PHLDB2: variants seen among roughly 807,000 people sequenced by gnomAD.
The protein encoded by PHLDB2 is pleckstrin homology-like domain family B member 2.
Under a neutral mutation model 123.6 loss-of-function variants are expected in PHLDB2, and 71 were observed. The observed-to-expected ratio is 0.57, with a 90% confidence interval of 0.47 to 0.70. The LOEUF (loss-of-function observed/expected upper bound fraction) is 0.70. Among genes scored for constraint, PHLDB2 ranks in the 30% least tolerant of loss-of-function variants. PHLDB2 has a pLI of 0.00. For missense variants in PHLDB2, 1,446 were observed against 1,519.5 expected (o/e 0.95, Z 0.80); for synonymous variants, 547 against 541.6 (o/e 1.01, Z -0.14).
chr3:111,913,449 C>T lies in PHLDB2; in HGVS notation c.1466C>T (p.Ser489Phe). 6.2e-7 allele frequency: 1 copy of T among 1,614,140 alleles called. No individual in the cohort carries two copies. The highest frequency in any genetic ancestry group is 8.5e-7 in the Non-Finnish European group (1 of 1,180,018). ...INKELEKLQL[S>F]DEESVFEEAL... ...AAGGAGCTTGAGAAGCTGCAGCTCTCTGATGAGGAGTCTGTGTTTGAGGAA... is the reference window on the plus strand; with the variant it reads ...AAGGAGCTTGAGAAGCTGCAGCTCTTTGATGAGGAGTCTGTGTTTGAGGAA... The change falls in exon 3 of 18, where the codon TCT becomes TTT. Residue 489 changes from serine (S) to phenylalanine (F), a missense_variant. Physicochemically the swap from Ser to Phe is radical, Grantham distance 155. This residue lies in a region of PHLDB2 where 832 missense variants were observed against 831.9 expected (regional missense o/e 1.00). Coordinates refer to ENST00000431670, the MANE Select transcript of PHLDB2 (RefSeq NM_001134438.2).
intron 8 of PHLDB2, among the ~76,000 whole-genome samples, chr3:111,942,906 A>T (rs1242480683): frequency 1.3e-5 from 2 of 151,838 alleles, no homozygotes; most frequent in Non-Finnish European, 2.9e-5. Context: ...ACATGAAACA[A>T]AGTTCAGTAT....
intron 1 of PHLDB2, among the ~76,000 whole-genome samples, chr3:111,806,472 TTTTTTTTCTTC>T (rs2061593873): frequency 1.3e-5 from 2 of 151,832 alleles, no homozygotes; most frequent in African/African-American, 4.8e-5. Flanking sequence ...AATCTTTTCT[TTTTTTTTCTTC>T]TTTTTTTTTT....
chr3:111,967,930 A>G (rs1410972279), intron 15 of PHLDB2, 106 bp downstream of exon 15: 6 of 683,050 alleles, frequency 8.8e-6, no homozygotes, highest in Non-Finnish European at 1.1e-5. Context: ...ACTGAGCATT[A>G]GCACTTGACA....
At chr3:111,736,311 G>T (rs543363002) in intron 1 of PHLDB2, among the ~76,000 whole-genome samples, 4 of 152,292 alleles carry the variant, frequency 2.6e-5, no homozygotes, top group African/African-American at 7.2e-5. Flanking sequence ...ATTTTACCAA[G>T]ATTTTTTTAA....
At position 111,953,914 on chromosome 3, in the gene PHLDB2, C is replaced by T. The variant is rs565328983; in HGVS notation, c.2773-16C>T. 5.6e-6 allele frequency: 9 copies of T among 1,607,486 alleles called. No individual in the cohort carries two copies. The African/African-American group carries it at 8.0e-5, about 14-fold the overall frequency. On this transcript the variant is annotated splice_polypyrimidine_tract_variant and intron_variant, in intron 11 of 17. Transcript: ENST00000431670. ...GCCTGCAGCTTGCCTGAAGTACTCC[C>T]TCCTGCTTCCCGCAGGCCCATCTGC...
At chr3:111,870,784 T>C (rs1413922901) in intron 1 of PHLDB2, among the ~76,000 whole-genome samples, 2 of 152,188 alleles carry the variant, frequency 1.3e-5, no homozygotes, top group Non-Finnish European at 2.9e-5. Flanking sequence ...TTACATGTCA[T>C]CAGTGCATGC....
intron 1 of PHLDB2, among the ~76,000 whole-genome samples, chr3:111,808,681 T>C (rs1483708182): frequency 3.3e-5 from 5 of 152,094 alleles, no homozygotes; most frequent in African/African-American, 1.2e-4. Flanking sequence ...AGAAGACAAA[T>C]ACAATCTGCA....
intron 1 of PHLDB2, among the ~76,000 whole-genome samples, chr3:111,776,059 C>A (rs1275064774): frequency 1.3e-5 from 2 of 152,140 alleles, no homozygotes; most frequent in African/African-American, 4.8e-5. Context: ...CAATACAGAG[C>A]AAGCTTCTGG....
intron 3 of PHLDB2, chr3:111,916,339 A>G (rs986287854): frequency 3.3e-5 from 5 of 152,174 alleles, no homozygotes; most frequent in Admixed American, 3.3e-4. Flanking sequence ...ACATTTTTTT[A>G]CTTATTACTT....
chr3:111,912,785 G>A (rs2067964707), intron 2 of PHLDB2, among the ~76,000 whole-genome samples: 2 of 152,172 alleles, frequency 1.3e-5, no homozygotes, highest in African/African-American at 4.8e-5. Context: ...GATAAGTAGA[G>A]CCTGGGAAGG....
intron 16 of PHLDB2, among the ~76,000 whole-genome samples, chr3:111,973,004 G>A (rs2072310290): frequency 6.6e-6 from 1 of 152,130 alleles, no homozygotes; most frequent in Non-Finnish European, 1.5e-5. Context: ...CCTCATTCAT[G>A]CTTTTAAAAT....
chr3:111,769,037 G>A (rs992814732), intron 1 of PHLDB2, among the ~76,000 whole-genome samples: 4 of 152,170 alleles, frequency 2.6e-5, no homozygotes, highest in African/African-American at 9.7e-5. Context: ...TCTGACCCAT[G>A]GTCAGACACG....
In PHLDB2 at chr3:111,780,871, A is replaced by G. The variant is rs1192722809; in HGVS notation, c.-49+48168A>G. Among the ~76,000 whole-genome samples the G allele has an allele frequency of 1.4e-4, 22 of 152,056 alleles. 1 individual carries two copies. Among genetic ancestry groups the G allele is most frequent in the Admixed American group, 1.4e-3 (22 of 15,248 alleles). On this transcript the variant is annotated intron_variant, in intron 1 of 17. Coordinates refer to the PHLDB2 transcript ENST00000393923. ...TGAGTGCATTAACTGAATGTTTACA[A>G]AGGACTATCTGTGTGTCTTCACAAG...
chr3:111,931,746 A>G (rs1164499421), intron 5 of PHLDB2, among the ~76,000 whole-genome samples: 1 of 152,228 alleles, frequency 6.6e-6, no homozygotes, highest in East Asian at 1.9e-4. Context: ...ACTGTTTCAG[A>G]TGACGGGGAT....
At chr3:111,943,589 T>C (rs1272135705) in intron 8 of PHLDB2, among the ~76,000 whole-genome samples, 1 of 152,096 alleles carries the variant, frequency 6.6e-6, no homozygotes, top group African/African-American at 2.4e-5. Flanking sequence ...GCAAAAGTCT[T>C]GAATAAAGAT....
intron 6 of PHLDB2, 138 bp from the exon 7 acceptor site, chr3:111,939,337 T>C: frequency 1.3e-6 from 1 of 787,142 alleles, no homozygotes; most frequent in Non-Finnish European, 1.9e-6. Context: ...CTCCAAAAGA[T>C]AGTGTTATGT....
intron 2 of PHLDB2, chr3:111,911,802 C>G (rs979645192): frequency 3.4e-6 from 4 of 1,179,068 alleles, no homozygotes; most frequent in Non-Finnish European, 4.9e-6. Context: ...TGGGGGATTA[C>G]TTTAGAGGGC....
Position 111,919,746 on chromosome 3 carries a change from A to G in PHLDB2, c.1863+531A>G, listed in dbSNP as rs536634477. On this transcript the variant is annotated intron_variant, in intron 4 of 17. Coordinates refer to ENST00000431670, the MANE Select transcript of PHLDB2 (RefSeq NM_001134438.2). Reference sequence around the variant, plus strand: ...TTTATGTTACCCCCATGGCATGAGAAGGGGCACGTAATTCTGCCTAGGGAA... The same window carrying G: ...TTTATGTTACCCCCATGGCATGAGAGGGGGCACGTAATTCTGCCTAGGGAA... Among the ~76,000 whole-genome samples, 3 of 152,318 alleles carry G rather than the reference A, an allele frequency of 2.0e-5. No homozygotes were observed. In the East Asian group the frequency reaches 5.8e-4, roughly 29 times the overall value.
intron 2 of PHLDB2, among the ~76,000 whole-genome samples, chr3:111,901,764 A>G (rs1341544846): frequency 6.6e-6 from 1 of 152,218 alleles, no homozygotes; most frequent in Admixed American, 6.5e-5. Context: ...GCAATAGCAT[A>G]ATTTCTTTAA....
Sources: gnomAD v4.1 joint callset for allele counts (sites outside exome capture counted in the v4.1 genomes callset) on GRCh38, gnomAD v4.1.1 for gene constraint, gnomAD v4.1.1 regional missense constraint, MANE v1.5 for transcripts, NCBI Gene and HGNC (gene_info 2026-07-23, HGNC 2026-07-21) for gene names.